The following KIF6 variants were observed in gnomAD, a reference collection of about 807,000 sequenced individuals.
KIF6 encodes the protein kinesin family member 6.
In KIF6, 106 loss-of-function variants were observed where a neutral mutation model predicts 112.7. The observed-to-expected ratio is 0.94, with a 90% CI of 0.80 to 1.11. KIF6 has a LOEUF of 1.11. Ranked by LOEUF, KIF6 falls within the 50% of genes least tolerant of loss-of-function variation. The pLI, the probability that KIF6 is intolerant of heterozygous loss-of-function variation, is 0.00. For missense variants in KIF6, 929 were observed against 964.0 expected, an observed-to-expected ratio of 0.96 and a Z score of 0.48; for synonymous variants, 339 against 339.9, an observed-to-expected ratio of 1.00 and a Z score of 0.03.
In KIF6 at chr6:39,345,725, TG is replaced by T; in HGVS notation, c.2295del (p.Ser765ArgfsTer59). 1 of 1,613,854 alleles carries T rather than the reference TG, an allele frequency of 6.2e-7. No homozygotes were observed. ...CTGTCTTCCAGTGGGGTGCTGGTGC[TG>T]CTCTGTTTCTGGCTGTGTGGACTGG... Reference protein sequence around the residue: ...PCPSPHSQKQSSTSTPLEDSI... With the variant: ...PCPSPHSQKQXSTSTPLEDSI... On this transcript the variant is annotated frameshift_variant, in exon 21 of 23. Transcript: ENST00000287152. LOFTEE classifies it high-confidence loss of function.
intron 7 of KIF6, among the ~76,000 whole-genome samples, chr6:39,588,123 C>T (rs1192148036): frequency 6.6e-6 from 1 of 152,116 alleles, no homozygotes; most frequent in Non-Finnish European, 1.5e-5. Context: ...TTTGTAGTGC[C>T]CCGGGGCTCA....
At chr6:39,395,244 T>C (rs753875457) in intron 15 of KIF6, among the ~76,000 whole-genome samples, 1 of 152,260 alleles carries the variant, frequency 6.6e-6, no homozygotes, top group Non-Finnish European at 1.5e-5. Flanking sequence ...ATATGTGTAA[T>C]TAAGCTAAGA....
At chr6:39,355,539 C>T (rs1764599590) in intron 19 of KIF6, among the ~76,000 whole-genome samples, 1 of 147,178 alleles carries the variant, frequency 6.8e-6, no homozygotes, top group Non-Finnish European at 1.5e-5. Context: ...TCTCGGCTCA[C>T]TGCAACCTCC....
At chr6:39,630,416 A>T (rs1784297273) in intron 5 of KIF6, among the ~76,000 whole-genome samples, 2 of 152,072 alleles carry the variant, frequency 1.3e-5, no homozygotes, top group South Asian at 4.1e-4. Flanking sequence ...TGTCAGATTT[A>T]TACACAAGTA....
intron 3 of KIF6, chr6:39,691,843 T>C (rs574573201): frequency 6.6e-6 from 1 of 152,296 alleles, no homozygotes; most frequent in African/African-American, 2.4e-5. Context: ...ACTTGCTGGG[T>C]TGATCCAGTT....
intron 3 of KIF6, among the ~76,000 whole-genome samples, chr6:39,709,643 T>A (rs11754307): frequency 0.072 from 11,010 of 152,318 alleles, 539 homozygotes; most frequent in South Asian, 0.18. Flanking sequence ...GTGAGATTCC[T>A]GAATTACAGA....
intron 13 of KIF6, among the ~76,000 whole-genome samples, chr6:39,446,267 T>C (rs1772307862): frequency 6.6e-6 from 1 of 152,206 alleles, no homozygotes; most frequent in South Asian, 2.1e-4. Flanking sequence ...GGCAGTACCT[T>C]GTGCATCTCT....
intron 9 of KIF6, among the ~76,000 whole-genome samples, chr6:39,583,784 A>G (rs1038450390): frequency 1.0e-4 from 15 of 145,526 alleles, no homozygotes; most frequent in African/African-American, 1.3e-4. Context: ...TTGAAAAATG[A>G]TGCAATCTTA....
intron 16 of KIF6, among the ~76,000 whole-genome samples, chr6:39,371,008 G>T (rs1765937495): frequency 6.6e-6 from 1 of 152,160 alleles, no homozygotes; most frequent in Non-Finnish European, 1.5e-5. Flanking sequence ...GATCAGTGGT[G>T]TGCTGGTAAG....
chr6:39,532,166 C>T (rs1778107970), intron 13 of KIF6, among the ~76,000 whole-genome samples: 1 of 152,118 alleles, frequency 6.6e-6, no homozygotes, highest in Admixed American at 6.6e-5. Context: ...TGGCTGTCTT[C>T]CCTGTCAATC....
intron 13 of KIF6, among the ~76,000 whole-genome samples, chr6:39,482,241 G>C (rs548135066): frequency 3.3e-5 from 5 of 152,266 alleles, no homozygotes; most frequent in Non-Finnish European, 7.3e-5. Context: ...TGTATAACAG[G>C]CACCTTACTT....
At chr6:39,640,377 G>A (rs1447643629) in intron 3 of KIF6, among the ~76,000 whole-genome samples, 1 of 152,060 alleles carries the variant, frequency 6.6e-6, no homozygotes, top group Non-Finnish European at 1.5e-5. Context: ...CTCAGCCTTT[G>A]AAGAGCACCA....
At chr6:39,723,333 C>T (rs1378186490) in intron 1 of KIF6, among the ~76,000 whole-genome samples, 2 of 152,160 alleles carry the variant, frequency 1.3e-5, no homozygotes, top group Non-Finnish European at 2.9e-5. Flanking sequence ...AATATGCCCA[C>T]TCCATATACT....
intron 3 of KIF6, among the ~76,000 whole-genome samples, chr6:39,697,331 G>A (rs765855485): frequency 1.3e-5 from 2 of 152,108 alleles, no homozygotes; most frequent in Non-Finnish European, 1.5e-5. Context: ...CTAGTAGAAA[G>A]GACAATGTCC....
In KIF6 at chr6:39,586,260, C is replaced by T. The variant is rs1781626867; in HGVS notation, c.990+1G>A. On this transcript the variant is annotated splice_donor_variant, in intron 8 of 22. Transcript: ENST00000287152. LOFTEE classifies it high-confidence loss of function. Reference sequence around the variant, plus strand: ...ATCTCCAGAAAGAAGAGCCCACATACATCAAGATTCCTTTTCTCCAAGGAG... The same window carrying T: ...ATCTCCAGAAAGAAGAGCCCACATATATCAAGATTCCTTTTCTCCAAGGAG... 6.2e-7 allele frequency: 1 copy of T among 1,613,982 alleles called. No individual in the cohort carries two copies. Among genetic ancestry groups the T allele is most frequent in the Admixed American group, 1.7e-5 (1 of 60,002 alleles).
chr6:39,538,628 A>T (rs1305604566), intron 13 of KIF6, among the ~76,000 whole-genome samples: 3 of 150,258 alleles, frequency 2.0e-5, no homozygotes, highest in Non-Finnish European at 4.4e-5. Flanking sequence ...GGGACTGTAA[A>T]CTAGTTCAAC....
In KIF6 at chr6:39,343,651, C is replaced by T. The variant is rs1763475471; in HGVS notation, c.2428+58G>A. On this transcript the variant is annotated intron_variant, in intron 22 of 22. Coordinates refer to ENST00000287152, the MANE Select transcript of KIF6 (RefSeq NM_145027.6). This position sits in a 1 kb window ranked among gnomAD's most constrained non-coding sequence, Gnocchi z 4.1. ...CTCCCCTCCCACCTCACTGTGTGCT[C>T]CCCACAAGTGTTGGTGACCTGCTGC... The T allele has an allele frequency of 9.5e-6, 13 of 1,368,852 alleles. No homozygotes were observed. The Middle Eastern group carries it at 1.3e-3, about 136-fold the overall frequency. The allele number at this position is 1,368,852 out of a possible 1,614,324, so 84.8% of individuals were successfully genotyped here. A position where few individuals can be genotyped will look rare whatever the true frequency, so the allele number is the denominator to read the frequency against.
In KIF6 at chr6:39,357,286, G is replaced by A. The variant is rs1399553569; in HGVS notation, c.2171C>T (p.Ser724Phe). The A allele has an allele frequency of 1.2e-6, 2 of 1,611,348 alleles. No individual in the cohort carries two copies. Among genetic ancestry groups the A allele is most frequent in the Non-Finnish European group, 8.5e-7 (1 of 1,177,868 alleles). ...DSQHEWSQLL[S>F]NKSSGGWEVQ... ...TGAGTTCTCACCTTACCTTTTGTTAGAGAGGAGTTGGGACCATTCATGCTG... is the reference window on the plus strand; with the variant it reads ...TGAGTTCTCACCTTACCTTTTGTTAAAGAGGAGTTGGGACCATTCATGCTG... Residue 724 changes from serine to phenylalanine, a missense_variant, in exon 19 of 23, where the codon TCT becomes TTT. Physicochemically the swap from Ser to Phe is radical, Grantham distance 155. Coordinates refer to ENST00000287152, the MANE Select transcript of KIF6 (RefSeq NM_145027.6).
At chr6:39,620,694 G>T (rs1052888353) in intron 5 of KIF6, among the ~76,000 whole-genome samples, 12 of 152,010 alleles carry the variant, frequency 7.9e-5, no homozygotes, top group Non-Finnish European at 1.8e-4. Context: ...TTGCAGATTT[G>T]TCATAAAATT....
Sources: gnomAD v4.1 joint callset for allele counts (sites outside exome capture counted in the v4.1 genomes callset) on GRCh38, gnomAD v4.1.1 for gene constraint, Gnocchi (gnomAD v3.1) non-coding constraint, MANE v1.5 for transcripts, NCBI Gene and HGNC (gene_info 2026-07-23, HGNC 2026-07-21) for gene names.